EPHA6: variants seen among roughly 807,000 people sequenced by gnomAD.
EPHA6 encodes the protein ephrin type-A receptor 6.
A neutral mutation model predicts 112.0 loss-of-function variants in EPHA6; 50 were observed. The observed-to-expected ratio is 0.45, with a 90% CI of 0.36 to 0.56. The LOEUF is 0.56. Among genes scored for constraint, EPHA6 ranks in the 20% least tolerant of loss-of-function variants. The probability of loss-of-function intolerance (pLI) is 0.00; values close to 1 mark genes in which losing one functional copy is unlikely to be tolerated. For synonymous variants in EPHA6, 529 were observed against 490.7 expected (o/e 1.08, Z -1.03); for missense variants, 1,280 against 1,417.4 (o/e 0.90, Z 1.56).
chr3:97,511,198 C>T (rs1045280192), intron 10 of EPHA6, among the ~76,000 whole-genome samples: 3 of 151,058 alleles, frequency 2.0e-5, no homozygotes, highest in South Asian at 4.2e-4. Flanking sequence ...TTCTGTGTCA[C>T]TGGCATTCCA....
chr3:97,525,495 T>C (rs1168296109), intron 10 of EPHA6, among the ~76,000 whole-genome samples: 1 of 152,190 alleles, frequency 6.6e-6, no homozygotes, highest in Non-Finnish European at 1.5e-5. Context: ...GTACATCTCT[T>C]TTTTGGTGGG....
At chr3:97,478,936 A>C (rs1257008470) in intron 8 of EPHA6, among the ~76,000 whole-genome samples, 1 of 152,144 alleles carries the variant, frequency 6.6e-6, no homozygotes, top group African/African-American at 2.4e-5. Context: ...TGAAAATGGA[A>C]GACAGTTGTA....
chr3:96,847,144 A>G (rs951368810), intron 1 of EPHA6, among the ~76,000 whole-genome samples: 2 of 151,920 alleles, frequency 1.3e-5, no homozygotes, highest in Non-Finnish European at 2.9e-5. Flanking sequence ...AAGTCTATTT[A>G]TTTTTGCTTC....
At chr3:97,597,318 C>G (rs2093603116) in intron 12 of EPHA6, among the ~76,000 whole-genome samples, 1 of 152,060 alleles carries the variant, frequency 6.6e-6, no homozygotes, top group South Asian at 2.1e-4. Flanking sequence ...GTGTTAGGTT[C>G]AAAGGAAATG....
intron 12 of EPHA6, among the ~76,000 whole-genome samples, chr3:97,609,015 C>G (rs1220626696): frequency 1.3e-5 from 2 of 151,342 alleles, no homozygotes. Context: ...TGTAGCAATA[C>G]AAGTGGAATG....
At chr3:97,262,559 G>T (rs915612749) in intron 5 of EPHA6, among the ~76,000 whole-genome samples, 2 of 151,980 alleles carry the variant, frequency 1.3e-5, no homozygotes, top group African/African-American at 4.8e-5. Flanking sequence ...GGTGTTTTTT[G>T]CAGTTGCCCA....
At chr3:97,018,803 C>G (rs2044352084) in intron 3 of EPHA6, among the ~76,000 whole-genome samples, 1 of 152,228 alleles carries the variant, frequency 6.6e-6, no homozygotes, top group African/African-American at 2.4e-5. Flanking sequence ...TCTAAACTCC[C>G]CTGGGGAAAG....
chr3:97,416,786 T>G (rs2088166828), intron 6 of EPHA6, among the ~76,000 whole-genome samples: 1 of 152,158 alleles, frequency 6.6e-6, no homozygotes, highest in African/African-American at 2.4e-5. Context: ...CATTGAAAAT[T>G]TATTTTCTTT....
intron 3 of EPHA6, among the ~76,000 whole-genome samples, chr3:97,156,253 T>G (rs1436953073): frequency 6.6e-6 from 1 of 151,996 alleles, no homozygotes; most frequent in Non-Finnish European, 1.5e-5. Context: ...CAGAATCTGA[T>G]CAGAATGCAG....
intron 5 of EPHA6, among the ~76,000 whole-genome samples, chr3:97,290,022 TTATC>T (rs2080621146): frequency 1.3e-5 from 2 of 152,236 alleles, no homozygotes; most frequent in African/African-American, 2.4e-5. Flanking sequence ...TTCTTCTTCT[TTATC>T]TAGTTTTCAT....
intron 14 of EPHA6, among the ~76,000 whole-genome samples, chr3:97,681,686 G>A (rs2031873328): frequency 6.6e-6 from 1 of 151,922 alleles, no homozygotes; most frequent in Admixed American, 6.6e-5. Context: ...GACTTAGAAA[G>A]GCTCTTTAAG....
At chr3:96,894,917 A>G (rs72933475) in intron 2 of EPHA6, among the ~76,000 whole-genome samples, 2,054 of 152,312 alleles carry the variant, frequency 0.013, 50 homozygotes, top group African/African-American at 0.045. Context: ...CTTCCTAAAA[A>G]TTTGGAAACA....
chr3:97,264,093 T>C (rs72924462), intron 5 of EPHA6, among the ~76,000 whole-genome samples: 3,269 of 152,340 alleles, frequency 0.021, 120 homozygotes, highest in African/African-American at 0.068. Flanking sequence ...TCTTTCCTTG[T>C]AATATGAAAG....
intron 1 of EPHA6, among the ~76,000 whole-genome samples, chr3:96,864,778 C>T (rs2036211308): frequency 6.6e-6 from 1 of 151,976 alleles, no homozygotes; most frequent in African/African-American, 2.4e-5. Flanking sequence ...TGCCAACTAA[C>T]TTATTAGCAT....
In EPHA6 at chr3:96,843,671, A is replaced by G. The variant is rs140164840; in HGVS notation, c.386-23154A>G. On this transcript the variant is annotated intron_variant, in intron 1 of 17. Transcript: ENST00000389672. ...AAGGATCGTGTTGGAGCGAGGAGCAAGGAATGTTGTAAGTAAAATTATCAC... is the reference window on the plus strand; with the variant it reads ...AAGGATCGTGTTGGAGCGAGGAGCAGGGAATGTTGTAAGTAAAATTATCAC... Among the ~76,000 whole-genome samples, 284 of 152,122 alleles carry G rather than the reference A, an allele frequency of 1.9e-3. 1 individual carries two copies. The highest frequency in any genetic ancestry group is 6.5e-3 in the African/African-American group (271 of 41,530).
Position 97,760,635 on chromosome 3 carries a change from TCAA to T in EPHA6, c.*11938_*11940del, listed in dbSNP as rs2036139508. ...ATCAAATTTTAAATGGTAGATGATA[TCAA>T]CAATTGCAGTGCACTCAAAATGTTA... On this transcript the variant is annotated 3_prime_UTR_variant, in exon 18 of 18. Transcript: ENST00000389672. 5.6e-6 allele frequency: 1 copy of T among 179,960 alleles called. No homozygotes were observed. The highest frequency in any genetic ancestry group is 2.4e-5 in the African/African-American group (1 of 42,344). The allele number at this position is 179,960 out of a possible 1,614,324, so 11.1% of individuals were successfully genotyped here.
chr3:97,365,075 G>A (rs1237353016), intron 5 of EPHA6, among the ~76,000 whole-genome samples: 1 of 152,048 alleles, frequency 6.6e-6, no homozygotes, highest in Admixed American at 6.5e-5. Flanking sequence ...TTGATATACA[G>A]AATGCAATCA....
intron 10 of EPHA6, among the ~76,000 whole-genome samples, chr3:97,529,537 T>C (rs934127736): frequency 6.6e-6 from 1 of 152,122 alleles, no homozygotes; most frequent in African/African-American, 2.4e-5. Flanking sequence ...GAATAATTCC[T>C]ATCACTTATG....
At chr3:97,152,219 A>G (rs1222061447) in intron 3 of EPHA6, among the ~76,000 whole-genome samples, 1 of 152,002 alleles carries the variant, frequency 6.6e-6, no homozygotes, top group Non-Finnish European at 1.5e-5. Flanking sequence ...AGAGCAGAGG[A>G]AAGTTATACT....
Sources: allele counts gnomAD v4.1 joint callset (sites outside exome capture counted in the v4.1 genomes callset), GRCh38; gene constraint gnomAD v4.1.1; transcripts MANE v1.5; gene names NCBI Gene and HGNC (gene_info 2026-07-23, HGNC 2026-07-21).